EIF2AK1: variants seen among roughly 807,000 people sequenced by gnomAD.
EIF2AK1 encodes the protein eukaryotic translation initiation factor 2-alpha kinase 1.
EIF2AK1 carries 54 observed loss-of-function variants against 77.9 expected under a neutral mutation model. The observed-to-expected ratio is 0.69, with a 90% CI of 0.56 to 0.87. EIF2AK1 has a LOEUF of 0.87. Among genes scored for constraint, EIF2AK1 ranks in the 40% least tolerant of loss-of-function variants. The pLI is 0.00. For missense variants in EIF2AK1, 810 were observed against 768.6 expected (o/e 1.05, Z -0.64); for synonymous variants, 314 against 290.5 (o/e 1.08, Z -0.82).
At chr7:6,045,268 G>C (rs537381392) in intron 6 of EIF2AK1, among the ~76,000 whole-genome samples, 1 of 152,072 alleles carries the variant, frequency 6.6e-6, no homozygotes, top group South Asian at 2.1e-4. Flanking sequence ...ACCACACCCA[G>C]CTAATTTTTG....
At position 6,036,491 on chromosome 7, in the gene EIF2AK1, CCAAATGTA is replaced by C; in HGVS notation, c.1332+925_1332+932del. ...TGCTTCACCTATCACCTGTGACATC[CCAAATGTA>C]CAAACTACTGATTCTTGAACATGTT... On this transcript the variant is annotated intron_variant, in intron 11 of 14. Coordinates refer to ENST00000199389, the MANE Select transcript of EIF2AK1 (RefSeq NM_014413.4). This position sits in a 1 kb window ranked among gnomAD's most constrained non-coding sequence, Gnocchi z 4.6. 2.9e-6 allele frequency: 2 copies of C among 680,214 alleles called. No homozygotes were observed. The highest frequency in any genetic ancestry group is 4.5e-6 in the Non-Finnish European group (2 of 442,080). The allele number at this position is 680,214 out of a possible 1,614,324, so 42.1% of individuals were successfully genotyped here.
intron 1 of EIF2AK1, 23 bp downstream of exon 1, chr7:6,058,943 G>C (rs565111553): frequency 6.6e-7 from 1 of 1,504,006 alleles, no homozygotes; most frequent in Non-Finnish European, 8.9e-7. Flanking sequence ...GCAGAGCGGC[G>C]ACGCCGCGAT....
At chr7:6,026,308 G>T in intron 14 of EIF2AK1, 1 of 387,338 alleles carries the variant, frequency 2.6e-6, no homozygotes, top group Non-Finnish European at 5.2e-6. Flanking sequence ...ACAGCAGGCA[G>T]GTGGTGAAGG....
intron 1 of EIF2AK1, 139 bp downstream of exon 1, chr7:6,058,827 G>A: frequency 4.5e-6 from 3 of 669,096 alleles, no homozygotes; most frequent in Non-Finnish European, 7.0e-6. Flanking sequence ...CTCGCACTGC[G>A]CGGCTGGGCC....
intron 13 of EIF2AK1, 86 bp downstream of exon 13, chr7:6,028,529 G>A (rs963969761): frequency 2.3e-5 from 31 of 1,360,682 alleles, no homozygotes; most frequent in Admixed American, 3.5e-5. Context: ...TGGGATTACA[G>A]GCGTGAGCCA....
chr7:6,051,493 G>C (rs1006761547), intron 2 of EIF2AK1, among the ~76,000 whole-genome samples: 2 of 151,862 alleles, frequency 1.3e-5, no homozygotes, highest in East Asian at 3.9e-4. Context: ...GCAGTGGAGC[G>C]ATCTCAGATC....
At chr7:6,025,571 T>G (rs1391732660) in intron 14 of EIF2AK1, among the ~76,000 whole-genome samples, 1 of 152,258 alleles carries the variant, frequency 6.6e-6, no homozygotes, top group African/African-American at 2.4e-5. Flanking sequence ...CAGGGAACTC[T>G]GAGAATGGGT....
intron 14 of EIF2AK1, among the ~76,000 whole-genome samples, chr7:6,025,796 G>A (rs570347296): frequency 4.6e-5 from 7 of 152,002 alleles, no homozygotes; most frequent in South Asian, 2.1e-4. Flanking sequence ...CACCACGCCC[G>A]GCTAATTTTT....
chr7:6,057,950 T>A (rs969948143), intron 1 of EIF2AK1, among the ~76,000 whole-genome samples: 2 of 152,136 alleles, frequency 1.3e-5, no homozygotes, highest in African/African-American at 4.8e-5. Context: ...AATAGCACAA[T>A]TTAATTTTTA....
intron 8 of EIF2AK1, among the ~76,000 whole-genome samples, chr7:6,041,861 T>G (rs1045264909): frequency 3.6e-5 from 5 of 137,574 alleles, no homozygotes; most frequent in Non-Finnish European, 6.2e-5. Context: ...AAAAAGCCAA[T>G]GTATAGGTCT....
intron 1 of EIF2AK1, among the ~76,000 whole-genome samples, chr7:6,057,924 C>T (rs959948684): frequency 1.3e-5 from 2 of 152,098 alleles, no homozygotes; most frequent in African/African-American, 4.8e-5. Context: ...CCCACTGGGC[C>T]AATGTATTCA....
Position 6,035,121 on chromosome 7 carries a change from G to A in EIF2AK1, c.1332+2303C>T, listed in dbSNP as rs955234997. Among the ~76,000 whole-genome samples the A allele has an allele frequency of 2.0e-5, 3 of 152,066 alleles. No individual in the cohort carries two copies. Among genetic ancestry groups the A allele is most frequent in the African/African-American group, 7.2e-5 (3 of 41,388 alleles). Reference sequence around the variant, plus strand: ...GAAGGGACACAGCCCTAGCGGGGACGGCACAGGTAAAACAGGCTGCTCCAA... The same window carrying A: ...GAAGGGACACAGCCCTAGCGGGGACAGCACAGGTAAAACAGGCTGCTCCAA... On this transcript the variant is annotated intron_variant, in intron 11 of 14. Coordinates refer to ENST00000199389, the MANE Select transcript of EIF2AK1 (RefSeq NM_014413.4). The surrounding 1 kb of genome is among the most constrained non-coding windows in gnomAD (Gnocchi z 5.5).
At chr7:6,029,352 G>A (rs1420945077) in intron 11 of EIF2AK1, among the ~76,000 whole-genome samples, 1 of 151,880 alleles carries the variant, frequency 6.6e-6, no homozygotes, top group Non-Finnish European at 1.5e-5. Flanking sequence ...ACAAAATTAG[G>A]TGTGGTGGCA....
At chr7:6,028,083 CA>C in intron 13 of EIF2AK1, 4 of 348,650 alleles carry the variant, frequency 1.1e-5, no homozygotes, top group East Asian at 8.4e-5. Flanking sequence ...AATGAACAAA[CA>C]AAAAAATTGT....
At position 6,023,707 on chromosome 7, in the gene EIF2AK1, T is replaced by C; in HGVS notation, c.*966A>G. 6.2e-7 allele frequency: 1 copy of C among 1,614,158 alleles called. No individual in the cohort carries two copies. The highest frequency in any genetic ancestry group is 8.5e-7 in the Non-Finnish European group (1 of 1,180,026). ...CCTTAAGTGAATTGCCGTAACTGATTTTAAAGGGTTTAGATTTTAAGAATG... is the reference window on the plus strand; with the variant it reads ...CCTTAAGTGAATTGCCGTAACTGATCTTAAAGGGTTTAGATTTTAAGAATG... On this transcript the variant is annotated 3_prime_UTR_variant, in exon 15 of 15. Transcript: ENST00000199389.
chr7:6,058,150 C>T (rs1334667176), intron 1 of EIF2AK1: 12 of 455,524 alleles, frequency 2.6e-5, no homozygotes, highest in Non-Finnish European at 4.4e-5. Context: ...TGGCTCACAT[C>T]TATAATCCCA....
chr7:6,041,700 G>A (rs1476770693), intron 8 of EIF2AK1, among the ~76,000 whole-genome samples: 1 of 152,126 alleles, frequency 6.6e-6, no homozygotes, highest in Non-Finnish European at 1.5e-5. Context: ...AATTGGCCGG[G>A]TGTGGTGGCA....
chr7:6,057,607 A>AG (rs1788820655), intron 1 of EIF2AK1: 1 of 152,092 alleles, frequency 6.6e-6, no homozygotes, highest in African/African-American at 2.4e-5. Flanking sequence ...ATAAAAAAAA[A>AG]AAAAAGAAAA....
intron 1 of EIF2AK1, among the ~76,000 whole-genome samples, chr7:6,056,598 G>GGAAAAAAAAAAAAA (rs1554324652): frequency 2.0e-5 from 1 of 48,816 alleles, no homozygotes; most frequent in African/African-American, 7.3e-5. Context: ...CATCTCAAGG[G>GGAAAAAAAAAAAAA]AAAAAAAAAA....
Sources: allele counts gnomAD v4.1 joint callset (sites outside exome capture counted in the v4.1 genomes callset), GRCh38; gene constraint gnomAD v4.1.1; non-coding constraint Gnocchi (gnomAD v3.1); transcripts MANE v1.5; gene names NCBI Gene and HGNC (gene_info 2026-07-23, HGNC 2026-07-21).